NTM: variants seen among roughly 807,000 people sequenced by gnomAD.
The protein encoded by NTM is IgLON family member 2.
NTM carries 13 observed loss-of-function variants against 42.1 expected under a neutral mutation model. The ratio of observed to expected loss-of-function variants is 0.31; its 90% CI spans 0.20 to 0.49. The LOEUF is 0.49. Among genes scored for constraint, NTM ranks in the 20% least tolerant of loss-of-function variants. The probability of loss-of-function intolerance (pLI) is 0.99; values close to 1 mark genes in which losing one functional copy is unlikely to be tolerated. For synonymous variants in NTM, 187 were observed against 179.2 expected (o/e 1.04, Z -0.35); for missense variants, 373 against 452.8 (o/e 0.82, Z 1.60).
At chr11:132,099,568 G>C (rs901057369) in intron 2 of NTM, among the ~76,000 whole-genome samples, 12 of 152,046 alleles carry the variant, frequency 7.9e-5, no homozygotes, top group African/African-American at 2.9e-4. Flanking sequence ...GACTTGCCCC[G>C]GGTAGGTTAT....
intron 1 of NTM, among the ~76,000 whole-genome samples, chr11:131,855,508 A>G (rs2046001218): frequency 6.6e-6 from 1 of 152,204 alleles, no homozygotes. Context: ...ACACACAAAA[A>G]AACAAAGCTT....
chr11:132,272,156 T>C (rs1421349224), intron 4 of NTM, among the ~76,000 whole-genome samples: 5 of 152,144 alleles, frequency 3.3e-5, no homozygotes, highest in African/African-American at 1.2e-4. Context: ...ACTGTTTTGA[T>C]ACCCTTGCCA....
intron 2 of NTM, among the ~76,000 whole-genome samples, chr11:132,058,222 G>C (rs2080025319): frequency 6.6e-6 from 1 of 152,028 alleles, no homozygotes; most frequent in Admixed American, 6.6e-5. Flanking sequence ...TCTGCTTGTT[G>C]CCTGTCCTTG....
chr11:132,286,517 C>CT (rs1183878504), intron 4 of NTM, among the ~76,000 whole-genome samples: 4 of 147,294 alleles, frequency 2.7e-5, no homozygotes, highest in African/African-American at 1.1e-4. Context: ...TGCCTGTCCG[C>CT]CCCCCCCACC....
intron 1 of NTM, among the ~76,000 whole-genome samples, chr11:131,626,906 A>G (rs2063158483): frequency 6.6e-6 from 1 of 152,206 alleles, no homozygotes; most frequent in Non-Finnish European, 1.5e-5. Context: ...TGCTCCTAAT[A>G]GGGAAGCCAC....
intron 2 of NTM, among the ~76,000 whole-genome samples, chr11:132,075,941 C>T (rs1019345973): frequency 6.6e-6 from 1 of 152,136 alleles, no homozygotes; most frequent in African/African-American, 2.4e-5. Context: ...TTTACCTGAA[C>T]TAAGGTAAAT....
At chr11:132,059,724 C>T (rs10894490) in intron 2 of NTM, among the ~76,000 whole-genome samples, 39,639 of 150,870 alleles carry the variant, frequency 0.26, 5,403 homozygotes, top group South Asian at 0.29. Flanking sequence ...AATCCTCCCC[C>T]GCCCCACACC....
chr11:131,984,229 T>C (rs973397964), intron 2 of NTM, among the ~76,000 whole-genome samples: 1 of 152,244 alleles, frequency 6.6e-6, no homozygotes, highest in African/African-American at 2.4e-5. Context: ...TGGTATTTAC[T>C]CCTTTTTCTT....
intron 1 of NTM, among the ~76,000 whole-genome samples, chr11:131,388,031 C>A (rs181576445): frequency 6.6e-6 from 1 of 152,274 alleles, no homozygotes; most frequent in East Asian, 1.9e-4. Flanking sequence ...TCAGGATATT[C>A]ATCCTAAAAT....
At chr11:131,944,572 T>A (rs1189783490) in intron 2 of NTM, among the ~76,000 whole-genome samples, 1 of 152,218 alleles carries the variant, frequency 6.6e-6, no homozygotes, top group Non-Finnish European at 1.5e-5. Context: ...CACTCCTCAC[T>A]AATTCAAAAT....
chr11:131,730,222 A>G (rs2079473503), intron 1 of NTM, among the ~76,000 whole-genome samples: 1 of 152,210 alleles, frequency 6.6e-6, no homozygotes, highest in Admixed American at 6.5e-5. Flanking sequence ...CTTACCAGCC[A>G]TTTGCATATC....
At chr11:131,442,043 G>C (rs1949665472) in intron 1 of NTM, among the ~76,000 whole-genome samples, 1 of 152,182 alleles carries the variant, frequency 6.6e-6, no homozygotes, top group Non-Finnish European at 1.5e-5. Context: ...TCAGAAGACT[G>C]TTCAATTGGA....
intron 2 of NTM, among the ~76,000 whole-genome samples, chr11:132,106,677 A>G (rs1466086722): frequency 6.6e-6 from 1 of 152,240 alleles, no homozygotes; most frequent in Non-Finnish European, 1.5e-5. Context: ...CAGAGTTTAA[A>G]CAAACTCAGG....
intron 1 of NTM, among the ~76,000 whole-genome samples, chr11:131,696,644 C>T (rs578225965): frequency 2.0e-5 from 3 of 152,318 alleles, no homozygotes; most frequent in Non-Finnish European, 4.4e-5. Context: ...TACTGCTCTC[C>T]TAATGTGACT....
intron 2 of NTM, among the ~76,000 whole-genome samples, chr11:132,049,929 G>T (rs1161297048): frequency 6.6e-6 from 1 of 152,134 alleles, no homozygotes; most frequent in Non-Finnish European, 1.5e-5. Flanking sequence ...CCTTCCAACA[G>T]TTTTTGATAC....
chr11:132,165,875 T>A (rs2075187296), intron 3 of NTM, among the ~76,000 whole-genome samples: 1 of 152,200 alleles, frequency 6.6e-6, no homozygotes, highest in Non-Finnish European at 1.5e-5. Context: ...TTTCCTAATA[T>A]TTCATGCTTT....
At chr11:131,982,055 C>A (rs1451012973) in intron 2 of NTM, among the ~76,000 whole-genome samples, 1 of 151,636 alleles carries the variant, frequency 6.6e-6, no homozygotes, top group African/African-American at 2.4e-5. Context: ...AACAAAAAAA[C>A]CCACAGAAAA....
intron 2 of NTM, among the ~76,000 whole-genome samples, chr11:131,931,873 G>T (rs529705354): frequency 1.3e-5 from 2 of 152,284 alleles, no homozygotes; most frequent in South Asian, 4.1e-4. Flanking sequence ...AAATACAATA[G>T]GGAACTGGAG....
intron 1 of NTM, among the ~76,000 whole-genome samples, chr11:131,583,748 G>A (rs1315884994): frequency 6.6e-6 from 1 of 152,132 alleles, no homozygotes; most frequent in Non-Finnish European, 1.5e-5. Flanking sequence ...TAATCCCTGC[G>A]AATGGACTAG....
Sources: allele counts gnomAD v4.1 joint callset (sites outside exome capture counted in the v4.1 genomes callset), GRCh38; gene constraint gnomAD v4.1.1; transcripts MANE v1.5; gene names NCBI Gene and HGNC (gene_info 2026-07-23, HGNC 2026-07-21).